The following XKR4 variants were observed in gnomAD, a reference collection of about 807,000 sequenced individuals.
XKR4 encodes the protein XK-related protein 4.
In XKR4, 12 loss-of-function variants were observed where a neutral mutation model predicts 53.9. That is an observed-to-expected ratio of 0.22 (90% CI 0.14 to 0.36). XKR4 has a LOEUF of 0.36. XKR4 is among the 10% of genes least tolerant of loss of function. XKR4 has a pLI of 1.00. For missense variants in XKR4, 799 were observed against 859.5 expected, an observed-to-expected ratio of 0.93 and a Z score of 0.88; for synonymous variants, 354 against 362.4, an observed-to-expected ratio of 0.98 and a Z score of 0.26.
At chr8:55,366,602 G>A (rs904511667) in intron 2 of XKR4, among the ~76,000 whole-genome samples, 6 of 152,044 alleles carry the variant, frequency 3.9e-5, no homozygotes, top group African/African-American at 9.7e-5. Context: ...TTCTCTGGTG[G>A]CCTCATATTC....
chr8:55,405,154 G>A (rs1028646118), intron 2 of XKR4, among the ~76,000 whole-genome samples: 22 of 152,158 alleles, frequency 1.4e-4, no homozygotes, highest in African/African-American at 5.1e-4. Flanking sequence ...CTTAACACCC[G>A]TCGGGCCAGA....
At chr8:55,218,020 G>A (rs1393266693) in intron 1 of XKR4, among the ~76,000 whole-genome samples, 1 of 152,124 alleles carries the variant, frequency 6.6e-6, no homozygotes, top group Non-Finnish European at 1.5e-5. Context: ...TTGACTGGAT[G>A]TTTCAAAGCT....
intron 1 of XKR4, among the ~76,000 whole-genome samples, chr8:55,141,299 C>T (rs933146054): frequency 1.3e-5 from 2 of 152,202 alleles, no homozygotes; most frequent in Admixed American, 6.5e-5. Flanking sequence ...AGACGCATCT[C>T]CTGGAGGTAT....
At chr8:55,152,746 A>G (rs1239581503) in intron 1 of XKR4, among the ~76,000 whole-genome samples, 1 of 152,240 alleles carries the variant, frequency 6.6e-6, no homozygotes, top group African/African-American at 2.4e-5. Context: ...TTGCTCTAAT[A>G]CAGTTCAGTC....
At chr8:55,320,299 C>T (rs1017386973) in intron 1 of XKR4, among the ~76,000 whole-genome samples, 2 of 152,140 alleles carry the variant, frequency 1.3e-5, no homozygotes, top group Non-Finnish European at 2.9e-5. Flanking sequence ...CAAGACCTCA[C>T]CTGTTAGGCT....
At chr8:55,510,817 T>C (rs1293229368) in intron 2 of XKR4, among the ~76,000 whole-genome samples, 2 of 152,224 alleles carry the variant, frequency 1.3e-5, no homozygotes, top group East Asian at 3.9e-4. Flanking sequence ...TAAAGGAGCA[T>C]GCCAAGTGAT....
At chr8:55,247,207 A>G (rs1818296669) in intron 1 of XKR4, among the ~76,000 whole-genome samples, 1 of 152,206 alleles carries the variant, frequency 6.6e-6, no homozygotes, top group Admixed American at 6.5e-5. Context: ...ATGAAGCCCA[A>G]GGTTCCAGTG....
Position 55,395,815 on chromosome 8 carries a change from T to C in XKR4, c.1006+37938T>C, listed in dbSNP as rs79275153. On this transcript the variant is annotated intron_variant, in intron 2 of 2. Coordinates refer to ENST00000327381, the MANE Select transcript of XKR4 (RefSeq NM_052898.2). ...AACAGTGAAAAAACTGCCTTAAATC[T>C]TAGTCTGTTCTGGCGGCTACAACAA... 1.8e-3 allele frequency among the ~76,000 whole-genome samples: 267 copies of C among 152,250 alleles called. 2 individuals are homozygous for C. Among genetic ancestry groups the C allele is most frequent in the African/African-American group, 6.3e-3 (260 of 41,544 alleles).
intron 1 of XKR4, among the ~76,000 whole-genome samples, chr8:55,155,908 C>A (rs985035548): frequency 1.4e-4 from 22 of 152,072 alleles, no homozygotes; most frequent in African/African-American, 5.3e-4. Context: ...TATATTTAGC[C>A]AATTTATCCA....
At chr8:55,169,779 A>C (rs572965863) in intron 1 of XKR4, among the ~76,000 whole-genome samples, 1 of 152,366 alleles carries the variant, frequency 6.6e-6, no homozygotes, top group South Asian at 2.1e-4. Context: ...CAGTGGAACT[A>C]TCTCCTATTC....
chr8:55,364,425 C>T (rs1224843854), intron 2 of XKR4, among the ~76,000 whole-genome samples: 1 of 152,216 alleles, frequency 6.6e-6, no homozygotes, highest in Non-Finnish European at 1.5e-5. Context: ...ACGCCCTGCT[C>T]CTTCTGTAGC....
intron 2 of XKR4, among the ~76,000 whole-genome samples, chr8:55,465,658 CT>C (rs1398019801): frequency 6.6e-6 from 1 of 151,924 alleles, no homozygotes; most frequent in Non-Finnish European, 1.5e-5. Flanking sequence ...AACTAAAGAG[CT>C]TCTGCACAGC....
At chr8:55,494,247 G>A (rs1427769212) in intron 2 of XKR4, among the ~76,000 whole-genome samples, 1 of 152,240 alleles carries the variant, frequency 6.6e-6, no homozygotes, top group Non-Finnish European at 1.5e-5. Context: ...CCCACAGCTG[G>A]CACTAGGGAA....
At chr8:55,244,335 G>C (rs1241172699) in intron 1 of XKR4, among the ~76,000 whole-genome samples, 3 of 152,148 alleles carry the variant, frequency 2.0e-5, no homozygotes, top group African/African-American at 7.2e-5. Context: ...TTCTGTTACT[G>C]CGTTAGTTCA....
intron 1 of XKR4, among the ~76,000 whole-genome samples, chr8:55,145,776 GCTAT>G (rs1418377351): frequency 3.3e-5 from 5 of 152,152 alleles, no homozygotes; most frequent in East Asian, 1.9e-4. Context: ...AAGAACAAGA[GCTAT>G]CTGTTTACAT....
intron 2 of XKR4, among the ~76,000 whole-genome samples, chr8:55,516,743 A>G (rs1806719572): frequency 6.6e-6 from 1 of 152,214 alleles, no homozygotes; most frequent in Non-Finnish European, 1.5e-5. Context: ...AATTAGAACT[A>G]TCATTCCATC....
At chr8:55,313,560 G>A (rs1406716194) in intron 1 of XKR4, among the ~76,000 whole-genome samples, 1 of 152,146 alleles carries the variant, frequency 6.6e-6, no homozygotes, top group East Asian at 1.9e-4. Context: ...AGGGTACTCT[G>A]GAAGCCACTA....
chr8:55,529,591 T>C lies in XKR4; in HGVS notation c.*5364T>C, dbSNP rs1364093907. ...ATTTACAGATGACAAAATCTGTAAATGGCTTAGAGATGTCAAGCAATTTGC... is the reference window on the plus strand; with the variant it reads ...ATTTACAGATGACAAAATCTGTAAACGGCTTAGAGATGTCAAGCAATTTGC... On this transcript the variant is annotated 3_prime_UTR_variant, in exon 3 of 3. Coordinates refer to ENST00000327381, the MANE Select transcript of XKR4 (RefSeq NM_052898.2). The C allele has an allele frequency of 2.0e-5, 3 of 152,170 alleles. No homozygotes were observed. 9.4% of individuals were successfully genotyped at this position (152,170 alleles called of 1,614,324 possible).
At chr8:55,445,045 G>GT (rs904676153) in intron 2 of XKR4, among the ~76,000 whole-genome samples, 4 of 151,860 alleles carry the variant, frequency 2.6e-5, no homozygotes, top group African/African-American at 4.8e-5. Context: ...TATGAATTTT[G>GT]TTTTTTTGTT....
Sources: allele counts gnomAD v4.1 joint callset (sites outside exome capture counted in the v4.1 genomes callset), GRCh38; gene constraint gnomAD v4.1.1; transcripts MANE v1.5; gene names NCBI Gene and HGNC (gene_info 2026-07-23, HGNC 2026-07-21).